The following BIN2 variants were observed in gnomAD, a reference collection of about 807,000 sequenced individuals.
BIN2 encodes breast cancer associated protein BRAP1.
A neutral mutation model predicts 67.9 loss-of-function variants in BIN2; 43 were observed. The observed-to-expected ratio is 0.63, with a 90% CI of 0.50 to 0.82. BIN2 has a LOEUF of 0.82. BIN2 is among the 40% of genes least tolerant of loss of function. The pLI is 0.00. For missense variants in BIN2, 581 were observed against 671.6 expected (o/e 0.87, Z 1.49); for synonymous variants, 244 against 246.8 (o/e 0.99, Z 0.11).
intron 9 of BIN2, among the ~76,000 whole-genome samples, chr12:51,292,815 C>T (rs1348169068): frequency 6.6e-6 from 1 of 152,154 alleles, no homozygotes; most frequent in African/African-American, 2.4e-5. Flanking sequence ...TGCTTCCGTT[C>T]TCAAACTGTA....
intron 12 of BIN2, among the ~76,000 whole-genome samples, chr12:51,282,234 T>A (rs1244630774): frequency 6.8e-6 from 1 of 146,998 alleles, no homozygotes; most frequent in Non-Finnish European, 1.5e-5. Context: ...CTGCTGTATG[T>A]TGTGTATATG....
chr12:51,313,966 C>A, intron 1 of BIN2, 63 bp from the exon 2 acceptor site: 1 of 1,292,302 alleles, frequency 7.7e-7, no homozygotes, highest in Non-Finnish European at 1.1e-6. Flanking sequence ...ATGTTGGCCT[C>A]ATATGACCCT....
At chr12:51,300,689 A>T (rs1482985074) in intron 5 of BIN2, among the ~76,000 whole-genome samples, 2 of 152,198 alleles carry the variant, frequency 1.3e-5, no homozygotes, top group Non-Finnish European at 2.9e-5. Flanking sequence ...TCAGTCACAG[A>T]ATTTGAAAAG....
chr12:51,293,434 C>T (rs1052373459), intron 9 of BIN2, among the ~76,000 whole-genome samples: 6 of 152,264 alleles, frequency 3.9e-5, no homozygotes, highest in African/African-American at 4.8e-5. Flanking sequence ...CTCAGCCTCC[C>T]GAGTAGCTGG....
intron 2 of BIN2, among the ~76,000 whole-genome samples, chr12:51,311,769 A>G (rs972685305): frequency 1.4e-5 from 2 of 145,888 alleles, no homozygotes; most frequent in Non-Finnish European, 3.0e-5. Flanking sequence ...GAGATTGATA[A>G]TGAATTTTTT....
intron 8 of BIN2, among the ~76,000 whole-genome samples, chr12:51,296,607 T>C (rs74093805): frequency 0.022 from 3,375 of 152,182 alleles, 120 homozygotes; most frequent in African/African-American, 0.077. Context: ...ATATAACTAA[T>C]ATAAATGTTG....
intron 11 of BIN2, among the ~76,000 whole-genome samples, chr12:51,286,854 C>T (rs937528718): frequency 6.6e-6 from 1 of 152,154 alleles, no homozygotes; most frequent in Non-Finnish European, 1.5e-5. Flanking sequence ...GATGGGGTCT[C>T]ACTCTGTTGC....
At chr12:51,300,513 T>G (rs917012706) in intron 5 of BIN2, among the ~76,000 whole-genome samples, 1 of 152,132 alleles carries the variant, frequency 6.6e-6, no homozygotes, top group Non-Finnish European at 1.5e-5. Flanking sequence ...CTTATACAAC[T>G]GTTATTTGAA....
chr12:51,296,943 A>T, intron 8 of BIN2, 146 bp downstream of exon 8: 2 of 669,414 alleles, frequency 3.0e-6, no homozygotes, highest in Non-Finnish European at 5.2e-6. Context: ...TTAAGTACAC[A>T]ATCAAGTGCT....
rs1015080996 is a variant in BIN2 at position 51,303,158 on chromosome 12, C to T, written c.163-17G>A. ...GCCTTCTGCCTGAAAGAGAAAAGTA[C>T]ATTTGGTGACTAAAGAGATTAATAT... On this transcript the variant is annotated splice_polypyrimidine_tract_variant and intron_variant, in intron 2 of 12. Transcript: ENST00000615107. 4 of 1,612,330 alleles carry T rather than the reference C, an allele frequency of 2.5e-6. No homozygotes were observed. Among genetic ancestry groups the T allele is most frequent in the East Asian group, 4.5e-5 (2 of 44,882 alleles).
intron 2 of BIN2, among the ~76,000 whole-genome samples, chr12:51,304,754 C>A (rs536678150): frequency 6.6e-6 from 1 of 152,226 alleles, no homozygotes; most frequent in African/African-American, 2.4e-5. Context: ...CAGTGGCTCA[C>A]GCCTGTAATC....
Position 51,292,195 on chromosome 12 carries a change from G to A in BIN2, c.911C>T (p.Ala304Val), listed in dbSNP as rs775958753. 1 of 1,612,362 alleles carries A rather than the reference G, an allele frequency of 6.2e-7. No individual in the cohort carries two copies. Among genetic ancestry groups the A allele is most frequent in the Non-Finnish European group, 8.5e-7 (1 of 1,180,008 alleles). The change falls in exon 10 of 13, where the codon GCC becomes GTC. Residue 304 changes from alanine to valine, a missense_variant. Physicochemically the swap from Ala to Val is moderately conservative, Grantham distance 64. Transcript: ENST00000615107. Reference protein sequence around the residue: ...SATEDLAPDAAQGEDNSEIKE... With the variant: ...SATEDLAPDAVQGEDNSEIKE... Reference sequence around the variant, plus strand: ...GATCTCAGAATTGTCTTCCCCTTGGGCTGCATCAGGTGCCAGATCTTCAGT... The same window carrying A: ...GATCTCAGAATTGTCTTCCCCTTGGACTGCATCAGGTGCCAGATCTTCAGT...
At chr12:51,306,550 C>T (rs1592272295) in intron 2 of BIN2, among the ~76,000 whole-genome samples, 1 of 152,156 alleles carries the variant, frequency 6.6e-6, no homozygotes, top group East Asian at 1.9e-4. Flanking sequence ...TCACTTGCAC[C>T]CGGAAGGTGG....
At chr12:51,316,145 C>T (rs1250952919) in intron 1 of BIN2, among the ~76,000 whole-genome samples, 1 of 152,088 alleles carries the variant, frequency 6.6e-6, no homozygotes, top group Non-Finnish European at 1.5e-5. Flanking sequence ...GCTGCTGCTC[C>T]TTAAAATCTT....
chr12:51,291,205 C>T (rs1301899855), intron 10 of BIN2, among the ~76,000 whole-genome samples: 1 of 151,986 alleles, frequency 6.6e-6, no homozygotes, highest in Non-Finnish European at 1.5e-5. Flanking sequence ...AAGTAGATTA[C>T]TAAATTAATA....
intron 9 of BIN2, 32 bp downstream of exon 9, chr12:51,295,764 A>G (rs373066757): frequency 1.3e-4 from 205 of 1,591,374 alleles, no homozygotes; most frequent in Non-Finnish European, 1.6e-4. Context: ...ACACAGGACA[A>G]GCGAAGCAAA....
intron 5 of BIN2, among the ~76,000 whole-genome samples, chr12:51,300,195 A>C (rs1945685004): frequency 2.0e-5 from 3 of 152,114 alleles, no homozygotes; most frequent in Admixed American, 2.0e-4. Context: ...GTATCTGGGA[A>C]GAATGGGGGA....
At chr12:51,298,315 C>T (rs546233876) in intron 7 of BIN2, among the ~76,000 whole-genome samples, 4 of 151,850 alleles carry the variant, frequency 2.6e-5, no homozygotes, top group African/African-American at 7.2e-5. Context: ...GAGGTTGCAG[C>T]GAGCCGAGAT....
chr12:51,299,848 G>T lies in BIN2; in HGVS notation c.409-134C>A, dbSNP rs530296354. The T allele has an allele frequency of 6.3e-5, 45 of 711,988 alleles. No homozygotes were observed. In the African/African-American group the frequency reaches 6.6e-4, roughly 10 times the overall value. 44.1% of individuals were successfully genotyped at this position (711,988 alleles called of 1,614,324 possible). ...TTCACTTTCGTTGTTTTTTGCTTTT[G>T]TTTTTTTTGAGACAGGGTCTTGCTC... is the stretch of plus-strand genomic sequence containing the variant. On this transcript the variant is annotated intron_variant, in intron 5 of 12. Transcript: ENST00000615107.
Sources: gnomAD v4.1 joint callset for allele counts (sites outside exome capture counted in the v4.1 genomes callset) on GRCh38, gnomAD v4.1.1 for gene constraint, MANE v1.5 for transcripts, NCBI Gene and HGNC (gene_info 2026-07-23, HGNC 2026-07-21) for gene names.